PDE1C: variants seen among roughly 807,000 people sequenced by gnomAD.
PDE1C encodes phosphodiesterase 1C.
PDE1C carries 62 observed loss-of-function variants against 93.1 expected under a neutral mutation model. That is an observed-to-expected ratio of 0.67 (90% CI 0.54 to 0.82). PDE1C has a LOEUF of 0.82. PDE1C is among the 40% of genes least tolerant of loss of function. PDE1C has a pLI of 0.00. For missense variants in PDE1C, 742 were observed against 884.6 expected (o/e 0.84, Z 2.04); for synonymous variants, 325 against 310.1 (o/e 1.05, Z -0.50).
At chr7:32,349,050 T>A (rs983494979) in intron 1 of PDE1C, among the ~76,000 whole-genome samples, 12 of 152,186 alleles carry the variant, frequency 7.9e-5, no homozygotes, top group Non-Finnish European at 1.8e-4. Flanking sequence ...AACCAACCAA[T>A]GGGCCATCCC....
At chr7:31,620,305 C>T in the PDE1C span, among the ~76,000 whole-genome samples, 9 of 152,098 alleles carry the variant, frequency 5.9e-5, no homozygotes, top group Non-Finnish European at 1.2e-4. Flanking sequence ...AGACTGCCTC[C>T]TCAAGTGGGT....
At chr7:31,675,272 T>G in the PDE1C span, among the ~76,000 whole-genome samples, 1 of 152,202 alleles carries the variant, frequency 6.6e-6, no homozygotes, top group South Asian at 2.1e-4. Flanking sequence ...AGTTGCAGTC[T>G]TGGCCTTTTG....
chr7:32,102,491 A>G (rs1457077344), intron 3 of PDE1C, among the ~76,000 whole-genome samples: 1 of 152,212 alleles, frequency 6.6e-6, no homozygotes, highest in African/African-American at 2.4e-5. Flanking sequence ...ACTATCCTCA[A>G]AGGGTTGTTA....
At chr7:32,374,547 G>A (rs2128088576) in intron 1 of PDE1C, among the ~76,000 whole-genome samples, 1 of 152,306 alleles carries the variant, frequency 6.6e-6, no homozygotes, top group East Asian at 1.9e-4. Context: ...CCTTGCCCAG[G>A]CATCAGAGTG....
intron 1 of PDE1C, among the ~76,000 whole-genome samples, chr7:32,417,455 C>T (rs1785298089): frequency 6.6e-6 from 1 of 152,102 alleles, no homozygotes; most frequent in African/African-American, 2.4e-5. Flanking sequence ...CTTAAACTCA[C>T]AAACAACTCA....
chr7:31,661,693 A>G, the PDE1C span, among the ~76,000 whole-genome samples: 1 of 152,218 alleles, frequency 6.6e-6, no homozygotes, highest in African/African-American at 2.4e-5. Flanking sequence ...AGCCTGGGGC[A>G]ACAAGAGTGA....
chr7:31,863,396 A>G (rs1378315825), intron 7 of PDE1C, among the ~76,000 whole-genome samples: 1 of 152,184 alleles, frequency 6.6e-6, no homozygotes, highest in Admixed American at 6.5e-5. Flanking sequence ...TGAAGATATC[A>G]TATTGCATAC....
intron 3 of PDE1C, among the ~76,000 whole-genome samples, chr7:32,119,312 T>C (rs1425574848): frequency 6.6e-6 from 1 of 152,140 alleles, no homozygotes; most frequent in African/African-American, 2.4e-5. Flanking sequence ...CGCCAAGGTC[T>C]TAACTACAAC....
At chr7:31,967,292 C>T (rs569115232) in intron 2 of PDE1C, among the ~76,000 whole-genome samples, 1 of 152,250 alleles carries the variant, frequency 6.6e-6, no homozygotes, top group African/African-American at 2.4e-5. Context: ...CCACCAATCC[C>T]ACAGAAATAC....
intron 2 of PDE1C, among the ~76,000 whole-genome samples, chr7:31,965,116 T>C (rs965606985): frequency 1.2e-4 from 18 of 152,200 alleles, no homozygotes; most frequent in African/African-American, 4.1e-4. Flanking sequence ...GAGAATGACT[T>C]TGACGAGTTG....
chr7:32,281,916 G>A (rs954867848), intron 1 of PDE1C, among the ~76,000 whole-genome samples: 4 of 152,036 alleles, frequency 2.6e-5, no homozygotes, highest in East Asian at 1.9e-4. Flanking sequence ...GCAAACTATC[G>A]CAAGGACAGA....
intron 1 of PDE1C, among the ~76,000 whole-genome samples, chr7:32,069,041 C>T (rs1795720008): frequency 6.6e-6 from 1 of 152,194 alleles, no homozygotes; most frequent in Non-Finnish European, 1.5e-5. Context: ...AATTTACAGT[C>T]TCCACTAGCG....
chr7:31,895,991 TTACA>T lies in PDE1C; in HGVS notation c.129-15135_129-15132del, dbSNP rs6150057. 8.2e-3 allele frequency among the ~76,000 whole-genome samples: 1,216 copies of T among 148,588 alleles called. 14 individuals are homozygous for T. Among genetic ancestry groups the T allele is most frequent in the African/African-American group, 0.028 (1,128 of 39,712 alleles). ...TGAGAACAGACTAATACACTCTCCC[TTACA>T]TACATACATACATACATACATACAT... On this transcript the variant is annotated intron_variant, in intron 2 of 17. Coordinates refer to ENST00000396191, the MANE Select transcript of PDE1C (RefSeq NM_001191057.4).
intron 1 of PDE1C, among the ~76,000 whole-genome samples, chr7:32,259,840 G>A (rs1319775296): frequency 6.6e-6 from 1 of 152,158 alleles, no homozygotes; most frequent in Non-Finnish European, 1.5e-5. Flanking sequence ...CCAAGCAGGT[G>A]ATGAATGGGT....
intron 2 of PDE1C, among the ~76,000 whole-genome samples, chr7:31,932,762 G>A (rs541178077): frequency 4.6e-5 from 7 of 151,544 alleles, no homozygotes; most frequent in East Asian, 1.9e-4. Context: ...AGACACATGC[G>A]CACATATGTT....
intron 1 of PDE1C, among the ~76,000 whole-genome samples, chr7:32,226,045 G>A (rs1233840081): frequency 3.3e-5 from 5 of 152,082 alleles, no homozygotes; most frequent in African/African-American, 4.8e-5. Context: ...GCAATATAGC[G>A]AGACTCCATC....
chr7:31,689,678 A>G, the PDE1C span, among the ~76,000 whole-genome samples: 3 of 152,144 alleles, frequency 2.0e-5, no homozygotes, highest in Non-Finnish European at 4.4e-5. Context: ...CTAACAGGCT[A>G]TGAAAATTAT....
chr7:31,801,843 C>A (rs1012335541), intron 16 of PDE1C, among the ~76,000 whole-genome samples: 1 of 151,268 alleles, frequency 6.6e-6, no homozygotes. Context: ...CAATTTAAAA[C>A]CTTTTACTTT....
intron 3 of PDE1C, among the ~76,000 whole-genome samples, chr7:32,089,353 C>T (rs747072583): frequency 3.3e-5 from 5 of 152,090 alleles, no homozygotes; most frequent in Admixed American, 6.5e-5. Context: ...ACCTACAGAA[C>T]CCTGGGGCCT....
Sources: allele counts gnomAD v4.1 joint callset (sites outside exome capture counted in the v4.1 genomes callset), GRCh38; gene constraint gnomAD v4.1.1; transcripts MANE v1.5; gene names NCBI Gene and HGNC (gene_info 2026-07-23, HGNC 2026-07-21).